Variants in ARHGEF3 observed in about 807,000 individuals in gnomAD.
The protein encoded by ARHGEF3 is Rho guanine nucleotide exchange factor 3.
Under a neutral mutation model 63.2 loss-of-function variants are expected in ARHGEF3, and 28 were observed. The ratio of observed to expected loss-of-function variants is 0.44; its 90% CI spans 0.33 to 0.61. The LOEUF is 0.61. Among genes scored for constraint, ARHGEF3 ranks in the 20% least tolerant of loss-of-function variants. The pLI is 0.03. For missense variants in ARHGEF3, 533 were observed against 659.3 expected (o/e 0.81, Z 2.10); for synonymous variants, 266 against 254.2 (o/e 1.05, Z -0.44).
chr3:56,949,448 C>T (rs1699691190), intron 3 of ARHGEF3, among the ~76,000 whole-genome samples: 1 of 152,024 alleles, frequency 6.6e-6, no homozygotes, highest in Admixed American at 6.6e-5. Context: ...GATACAAAAT[C>T]AATGTGCAAA....
At chr3:56,880,251 A>G (rs369090274) in intron 4 of ARHGEF3, among the ~76,000 whole-genome samples, 1 of 152,208 alleles carries the variant, frequency 6.6e-6, no homozygotes, top group African/African-American at 2.4e-5. Flanking sequence ...AATGGGGTAG[A>G]TTTATCTTCT....
chr3:57,012,599 A>AAAG (rs977482752), intron 2 of ARHGEF3, among the ~76,000 whole-genome samples: 6 of 152,184 alleles, frequency 3.9e-5, no homozygotes, highest in Admixed American at 3.3e-4. Flanking sequence ...CAACTGACAT[A>AAAG]GAAGGTGGGT....
At chr3:56,895,819 T>C (rs2041284617) in intron 3 of ARHGEF3, among the ~76,000 whole-genome samples, 1 of 152,224 alleles carries the variant, frequency 6.6e-6, no homozygotes, top group South Asian at 2.1e-4. Context: ...TTATTTTCCT[T>C]ACAGTTGTTT....
intron 2 of ARHGEF3, among the ~76,000 whole-genome samples, chr3:56,968,045 TATATATAATATATATA>T (rs1438049941): frequency 0.49 from 12,531 of 25,356 alleles, 1,720 homozygotes; most frequent in Middle Eastern, 0.62. Flanking sequence ...ATATATAAAA[TATATATAATATATATA>T]ATATATATAA....
rs185767450 is a variant in ARHGEF3, at chr3:56,754,165, C to T, written c.376-599G>A. ...CAGGTACAACAAATAAAATTATAGG[C>T]GCTGGCTGTGTGGAAGAGTAGGTAA... On this transcript the variant is annotated intron_variant, in intron 3 of 9. Transcript: ENST00000296315. 2.2e-3 allele frequency among the ~76,000 whole-genome samples: 341 copies of T among 152,274 alleles called. 1 individual carries two copies. Among genetic ancestry groups the T allele is most frequent in the Admixed American group, 4.9e-3 (75 of 15,290 alleles).
chr3:57,038,032 C>A (rs527305451), intron 1 of ARHGEF3, among the ~76,000 whole-genome samples: 1 of 152,324 alleles, frequency 6.6e-6, no homozygotes, highest in African/African-American at 2.4e-5. Flanking sequence ...AATTCTCACA[C>A]CAGCCCTAGG....
intron 2 of ARHGEF3, among the ~76,000 whole-genome samples, chr3:56,768,056 A>AAT (rs201743587): frequency 0.011 from 1,666 of 150,538 alleles, 11 homozygotes; most frequent in Middle Eastern, 0.024. Context: ...CCCCAGCCTC[A>AAT]ATATATATAT....
At chr3:56,931,864 C>T (rs1051651811) in intron 3 of ARHGEF3, among the ~76,000 whole-genome samples, 2 of 152,088 alleles carry the variant, frequency 1.3e-5, no homozygotes, top group Non-Finnish European at 2.9e-5. Context: ...GCTTTAGAGC[C>T]ATGATTTTTT....
At chr3:56,968,329 T>C (rs1312751189) in intron 2 of ARHGEF3, among the ~76,000 whole-genome samples, 1 of 53,924 alleles carries the variant, frequency 1.9e-5, no homozygotes, top group Non-Finnish European at 3.6e-5. Context: ...ATTTTATATA[T>C]ATATAATATA....
At chr3:56,772,283 G>A (rs184927307) in intron 2 of ARHGEF3, among the ~76,000 whole-genome samples, 9 of 152,320 alleles carry the variant, frequency 5.9e-5, no homozygotes, top group Admixed American at 5.9e-4. Context: ...CTATGGGAAA[G>A]TAGCAAGAAC....
intron 4 of ARHGEF3, among the ~76,000 whole-genome samples, chr3:56,823,594 G>A (rs1271716187): frequency 6.6e-6 from 1 of 152,162 alleles, no homozygotes; most frequent in Non-Finnish European, 1.5e-5. Context: ...ATGCTCTACA[G>A]ATGGGAGGTT....
intron 1 of ARHGEF3, among the ~76,000 whole-genome samples, chr3:56,781,613 A>T (rs1388570657): frequency 6.6e-6 from 1 of 152,166 alleles, no homozygotes; most frequent in African/African-American, 2.4e-5. Flanking sequence ...GTTTTAAGCC[A>T]CCTAGCTTAT....
At chr3:57,012,299 T>C (rs1308227503) in intron 2 of ARHGEF3, among the ~76,000 whole-genome samples, 1 of 152,198 alleles carries the variant, frequency 6.6e-6, no homozygotes, top group Non-Finnish European at 1.5e-5. Flanking sequence ...TCTCTCTCTG[T>C]TGCCCAGGGA....
At chr3:56,906,845 AAAAGAAAGAAAG>A in intron 3 of ARHGEF3, among the ~76,000 whole-genome samples, 1 of 151,976 alleles carries the variant, frequency 6.6e-6, no homozygotes, top group African/African-American at 2.4e-5. Flanking sequence ...TCAAAAAAAA[AAAAGAAAGAAAG>A]AAAGAAAGAA....
rs565156217 is a variant in ARHGEF3 at position 56,889,251 on chromosome 3, C to A, written c.130-6897G>T. 2.0e-5 allele frequency among the ~76,000 whole-genome samples: 3 copies of A among 152,254 alleles called. No homozygotes were observed. The South Asian group carries it at 6.2e-4, about 32-fold the overall frequency. The stretch of plus-strand genomic sequence containing the variant: ...ATGAACAAACTGCCTTTTCGGTTGT[C>A]CTGGGGAAGATTCTCTGTGAAAAGC... On this transcript the variant is annotated intron_variant, in intron 3 of 12. Coordinates refer to the ARHGEF3 transcript ENST00000338458.
chr3:57,024,008 A>G (rs1431224062), intron 2 of ARHGEF3, among the ~76,000 whole-genome samples: 4 of 152,160 alleles, frequency 2.6e-5, no homozygotes, highest in Non-Finnish European at 4.4e-5. Flanking sequence ...CCTTCTCCAA[A>G]TTGGCATGGG....
At chr3:56,912,328 C>A (rs1266204935) in intron 3 of ARHGEF3, among the ~76,000 whole-genome samples, 1 of 152,168 alleles carries the variant, frequency 6.6e-6, no homozygotes, top group Non-Finnish European at 1.5e-5. Context: ...CAAACATTCA[C>A]CAAAATGGGA....
intron 3 of ARHGEF3, among the ~76,000 whole-genome samples, chr3:56,920,875 ACC>A (rs1299763645): frequency 6.6e-6 from 1 of 151,868 alleles, no homozygotes; most frequent in African/African-American, 2.4e-5. Context: ...ACGTGGTGAA[ACC>A]CTGTCTCTAC....
intron 2 of ARHGEF3, among the ~76,000 whole-genome samples, chr3:56,764,283 A>G (rs2035579621): frequency 6.6e-6 from 1 of 152,184 alleles, no homozygotes; most frequent in South Asian, 2.1e-4. Context: ...TAGCTCAACC[A>G]TCTTCATTGG....
Sources: allele counts gnomAD v4.1 joint callset (sites outside exome capture counted in the v4.1 genomes callset), GRCh38; gene constraint gnomAD v4.1.1; transcripts MANE v1.5; gene names NCBI Gene and HGNC (gene_info 2026-07-23, HGNC 2026-07-21).